The following ITGAE variants were observed in gnomAD, a reference collection of about 807,000 sequenced individuals.
ITGAE encodes the protein integrin subunit alpha E, also known as integrin alpha-E.
ITGAE carries 99 observed loss-of-function variants against 136.5 expected under a neutral mutation model. That is an observed-to-expected ratio of 0.73 (90% CI 0.62 to 0.86). The LOEUF is 0.86. ITGAE is among the 40% of genes least tolerant of loss of function. The probability of loss-of-function intolerance (pLI) is 0.00; values close to 1 mark genes in which losing one functional copy is unlikely to be tolerated. For missense variants in ITGAE, 1,447 were observed against 1,515.3 expected (o/e 0.95, Z 0.75); for synonymous variants, 613 against 591.8 (o/e 1.04, Z -0.52).
At chr17:3,779,491 C>A (rs1485059907) in intron 1 of ITGAE, among the ~76,000 whole-genome samples, 1 of 151,956 alleles carries the variant, frequency 6.6e-6, no homozygotes, top group Admixed American at 6.6e-5. Flanking sequence ...CCATGCCCGG[C>A]TAATTTTTTG....
chr17:3,793,721 G>A lies in ITGAE; in HGVS notation c.34+7390C>T, dbSNP rs142382527. On this transcript the variant is annotated intron_variant, in intron 1 of 30. Transcript: ENST00000263087. ...ATGCCAGCACTCCTGGCTAATTTTT[G>A]TATTTTTAGTAGAGATGTGGTTTCA... Among the ~76,000 whole-genome samples the A allele has an allele frequency of 2.3e-3, 344 of 152,246 alleles. 1 individual carries two copies. The highest frequency in any genetic ancestry group is 7.8e-3 in the African/African-American group (324 of 41,538).
Position 3,749,684 on chromosome 17 carries a change from A to G in ITGAE, c.2024+668T>C, listed in dbSNP as rs113460940. Among the ~76,000 whole-genome samples, 870 of 152,176 alleles carry G rather than the reference A, an allele frequency of 5.7e-3. 11 individuals are homozygous for G. The highest frequency in any genetic ancestry group is 0.018 in the African/African-American group (751 of 41,530). The stretch of plus-strand genomic sequence containing the variant: ...GCGCTCCATGAGCTCATTTACAGCC[A>G]CGGGACTTGATCATTCACTGAGGGA... On this transcript the variant is annotated intron_variant, in intron 16 of 30. Coordinates refer to ENST00000263087, the MANE Select transcript of ITGAE (RefSeq NM_002208.5).
At chr17:3,735,554 C>T (rs1472601420) in intron 20 of ITGAE, among the ~76,000 whole-genome samples, 1 of 152,148 alleles carries the variant, frequency 6.6e-6, no homozygotes, top group Non-Finnish European at 1.5e-5. Context: ...AAGTGATCCA[C>T]CTGCCTTGGC....
At position 3,761,035 on chromosome 17, in the gene ITGAE, T is replaced by G; in HGVS notation, c.576A>C (p.Glu192Asp). Reference protein sequence around the residue: ...KEEEEDKEEEEDEEEEEAGTE... With the variant: ...KEEEEDKEEEDDEEEEEAGTE... ...CACCAGCTTCCTCCTCCTCCTCGTCTTCCTCCTCCTCCTTGTCTTCCTCCT... is the reference window on the plus strand; with the variant it reads ...CACCAGCTTCCTCCTCCTCCTCGTCGTCCTCCTCCTCCTTGTCTTCCTCCT... The change falls in exon 6 of 31, where the codon GAA becomes GAC. Residue 192 changes from glutamate to aspartate, a missense_variant. By Grantham distance (45) the Glu-to-Asp change is conservative. Coordinates refer to ENST00000263087, the MANE Select transcript of ITGAE (RefSeq NM_002208.5). The G allele has an allele frequency of 6.2e-7, 1 of 1,603,428 alleles. No individual in the cohort carries two copies. Among genetic ancestry groups the G allele is most frequent in the Non-Finnish European group, 8.5e-7 (1 of 1,178,584 alleles).
rs1367175605 is a variant in ITGAE, at chr17:3,724,306, A to G, written c.3085-562T>C. On this transcript the variant is annotated intron_variant, in intron 26 of 30. Transcript: ENST00000263087. ...CTGGGGCTGCGAGCTCGGCCCCCGC[A>G]GAAGTGCAGCACACCCTGCGGCCCG... 10 of 1,588,286 alleles carry G rather than the reference A, an allele frequency of 6.3e-6. No individual in the cohort carries two copies. In the Admixed American group the frequency reaches 1.2e-4, roughly 19 times the overall value.
At chr17:3,728,293 T>A (rs1440250905) in intron 24 of ITGAE, 125 bp from the exon 25 acceptor site, 16 of 699,488 alleles carry the variant, frequency 2.3e-5, no homozygotes, top group Non-Finnish European at 3.6e-5. Flanking sequence ...AGCCTCAACC[T>A]CCCAGGCTCA....
At chr17:3,768,458 A>G (rs2052349176) in intron 2 of ITGAE, among the ~76,000 whole-genome samples, 1 of 152,174 alleles carries the variant, frequency 6.6e-6, no homozygotes, top group Non-Finnish European at 1.5e-5. Flanking sequence ...CCACTCATGT[A>G]GTTTACACCA....
At chr17:3,730,867 C>G in intron 23 of ITGAE, among the ~76,000 whole-genome samples, 1 of 152,204 alleles carries the variant, frequency 6.6e-6, no homozygotes, top group Non-Finnish European at 1.5e-5. Flanking sequence ...AGGGCTCATT[C>G]CACCAGGCTG....
chr17:3,793,523 T>C (rs188805700), intron 1 of ITGAE, among the ~76,000 whole-genome samples: 1 of 152,326 alleles, frequency 6.6e-6, no homozygotes, highest in East Asian at 1.9e-4. Flanking sequence ...ATCTCAGCTC[T>C]GGATTCGTGG....
chr17:3,762,215 A>G (rs890820395), intron 3 of ITGAE, among the ~76,000 whole-genome samples: 5 of 152,152 alleles, frequency 3.3e-5, no homozygotes, highest in African/African-American at 1.2e-4. Flanking sequence ...ACACGTGCCC[A>G]TTGACGTCTG....
chr17:3,729,887 G>A (rs2051302221), intron 23 of ITGAE, among the ~76,000 whole-genome samples: 1 of 152,170 alleles, frequency 6.6e-6, no homozygotes, highest in Non-Finnish European at 1.5e-5. Flanking sequence ...GAGCCACTGC[G>A]CCTGGCTATT....
chr17:3,787,305 T>C (rs1414562337), intron 1 of ITGAE, among the ~76,000 whole-genome samples: 1 of 151,976 alleles, frequency 6.6e-6, no homozygotes, highest in Non-Finnish European at 1.5e-5. Context: ...AGAGACAGGG[T>C]TTCCCCATGT....
At chr17:3,782,508 C>G (rs2052690619) in intron 1 of ITGAE, among the ~76,000 whole-genome samples, 1 of 151,724 alleles carries the variant, frequency 6.6e-6, no homozygotes, top group African/African-American at 2.4e-5. Flanking sequence ...GCCGGGATTA[C>G]AGGTACACAC....
intron 1 of ITGAE, among the ~76,000 whole-genome samples, chr17:3,791,783 C>T (rs887725607): frequency 2.0e-5 from 3 of 152,296 alleles, no homozygotes; most frequent in Non-Finnish European, 4.4e-5. Flanking sequence ...AGACGATGCT[C>T]TCACTGCTGG....
At chr17:3,763,422 GT>G (rs1196617624) in intron 3 of ITGAE, among the ~76,000 whole-genome samples, 1 of 152,136 alleles carries the variant, frequency 6.6e-6, no homozygotes, top group African/African-American at 2.4e-5. Context: ...TATGTAGGGG[GT>G]GAATTGCACT....
Position 3,729,570 on chromosome 17 carries a change from G to A in ITGAE, c.2835-15C>T. The A allele has an allele frequency of 1.3e-6, 2 of 1,490,080 alleles. No homozygotes were observed. Among genetic ancestry groups the A allele is most frequent in the Non-Finnish European group, 1.9e-6 (2 of 1,066,574 alleles). The allele number at this position is 1,490,080 out of a possible 1,614,324, so 92.3% of individuals were successfully genotyped here. A position where few individuals can be genotyped will look rare whatever the true frequency, so the allele number is the denominator to read the frequency against. ...TTTCATTGGAACTAGGAATAAGAGTGTTAGTTCATAGCACACCTGCTTTGT... is the reference window on the plus strand; with the variant it reads ...TTTCATTGGAACTAGGAATAAGAGTATTAGTTCATAGCACACCTGCTTTGT... On this transcript the variant is annotated splice_polypyrimidine_tract_variant and intron_variant, in intron 23 of 30. Coordinates refer to ENST00000263087, the MANE Select transcript of ITGAE (RefSeq NM_002208.5).
rs762347012 is a variant in ITGAE at position 3,723,958 on chromosome 17, C to T, written c.3085-214G>A. ...GCCATGGCGGCTTCGCTCCCGGGAC[C>T]TGGGAGCCGGCTTTTCCGCACATAT... On this transcript the variant is annotated intron_variant, in intron 26 of 30. Coordinates refer to ENST00000263087, the MANE Select transcript of ITGAE (RefSeq NM_002208.5). 2 of 1,569,442 alleles carry T rather than the reference C, an allele frequency of 1.3e-6. No individual in the cohort carries two copies. The highest frequency in any genetic ancestry group is 1.8e-5 in the Admixed American group (1 of 54,302).
intron 2 of ITGAE, among the ~76,000 whole-genome samples, chr17:3,774,439 C>T (rs1455401190): frequency 2.0e-5 from 3 of 152,026 alleles, no homozygotes; most frequent in Admixed American, 2.0e-4. Flanking sequence ...AAACCTTGAC[C>T]AGATCTGGCT....
At chr17:3,720,584 CTT>C (rs66495360) in intron 28 of ITGAE, 182 bp from the exon 29 acceptor site, 19,863 of 317,866 alleles carry the variant, frequency 0.062, 4 homozygotes, top group South Asian at 0.13. Context: ...CTTCAACTTC[CTT>C]TTTTTTTTTT....
Sources: allele counts gnomAD v4.1 joint callset (sites outside exome capture counted in the v4.1 genomes callset), GRCh38; gene constraint gnomAD v4.1.1; transcripts MANE v1.5; gene names NCBI Gene and HGNC (gene_info 2026-07-23, HGNC 2026-07-21).